Variants in EPHA6 observed in about 807,000 individuals in gnomAD.
EPHA6 encodes ephrin type-A receptor 6.
A neutral mutation model predicts 112.0 loss-of-function variants in EPHA6; 50 were observed. The observed-to-expected ratio is 0.45, with a 90% CI of 0.36 to 0.56. The LOEUF (loss-of-function observed/expected upper bound fraction) is 0.56, where lower values mean the gene tolerates loss of function less well. Among genes scored for constraint, EPHA6 ranks in the 20% least tolerant of loss-of-function variants. EPHA6 has a pLI of 0.00. For missense variants in EPHA6, 1,280 were observed against 1,417.4 expected (o/e 0.90, Z 1.56); for synonymous variants, 529 against 490.7 (o/e 1.08, Z -1.03).
intron 11 of EPHA6, among the ~76,000 whole-genome samples, chr3:97,560,862 C>T (rs13073984): frequency 0.024 from 3,652 of 152,060 alleles, 73 homozygotes; most frequent in Non-Finnish European, 0.037. Flanking sequence ...TCTATCAGTG[C>T]CATTTTTTCA....
intron 2 of EPHA6, among the ~76,000 whole-genome samples, chr3:96,876,268 T>G (rs933609565): frequency 5.9e-5 from 9 of 151,776 alleles, no homozygotes; most frequent in African/African-American, 2.2e-4. Context: ...TATTTTCTAT[T>G]TTAAGTGATA....
At chr3:97,023,040 C>T (rs1040142368) in intron 3 of EPHA6, among the ~76,000 whole-genome samples, 1 of 152,100 alleles carries the variant, frequency 6.6e-6, no homozygotes, top group African/African-American at 2.4e-5. Context: ...GCTTTCATGC[C>T]GGGGCAGCAA....
intron 3 of EPHA6, among the ~76,000 whole-genome samples, chr3:96,989,045 G>A (rs945083765): frequency 6.6e-5 from 10 of 151,926 alleles, no homozygotes; most frequent in Admixed American, 2.0e-4. Flanking sequence ...GTAATATACC[G>A]GAGATATTTC....
At chr3:97,216,455 A>G (rs2078036868) in intron 3 of EPHA6, among the ~76,000 whole-genome samples, 1 of 152,196 alleles carries the variant, frequency 6.6e-6, no homozygotes, top group Non-Finnish European at 1.5e-5. Flanking sequence ...AAATATCCAA[A>G]CCACATCAAT....
intron 5 of EPHA6, among the ~76,000 whole-genome samples, chr3:97,330,480 C>T (rs1184104492): frequency 3.3e-5 from 5 of 152,032 alleles, no homozygotes; most frequent in African/African-American, 9.7e-5. Flanking sequence ...TATTTGTATC[C>T]TCTTTTATTT....
chr3:96,954,504 G>T (rs912577765), intron 2 of EPHA6, among the ~76,000 whole-genome samples: 1 of 151,842 alleles, frequency 6.6e-6, no homozygotes, highest in Non-Finnish European at 1.5e-5. Flanking sequence ...TTCTTTTCAT[G>T]CTCTTACCCC....
chr3:97,146,584 T>C (rs978330849), intron 3 of EPHA6, among the ~76,000 whole-genome samples: 3 of 151,974 alleles, frequency 2.0e-5, no homozygotes, highest in Non-Finnish European at 4.4e-5. Flanking sequence ...TTGTACTCTC[T>C]ATATTAGGTA....
At chr3:97,061,246 G>A (rs1185644735) in intron 3 of EPHA6, among the ~76,000 whole-genome samples, 1 of 152,138 alleles carries the variant, frequency 6.6e-6, no homozygotes, top group African/African-American at 2.4e-5. Context: ...GAAGAACTAA[G>A]CAGGAATGAG....
chr3:97,561,675 A>C (rs2093194707), intron 11 of EPHA6, among the ~76,000 whole-genome samples: 2 of 152,160 alleles, frequency 1.3e-5, no homozygotes, highest in Admixed American at 1.3e-4. Flanking sequence ...TCTAGCTAGG[A>C]TAATTGATGA....
At chr3:97,116,996 T>C (rs2047906959) in intron 3 of EPHA6, among the ~76,000 whole-genome samples, 4 of 151,858 alleles carry the variant, frequency 2.6e-5, no homozygotes, top group Admixed American at 2.0e-4. Flanking sequence ...TCAACACTTA[T>C]CGTTTGTCTT....
intron 7 of EPHA6, among the ~76,000 whole-genome samples, chr3:97,461,607 T>C (rs2107387977): frequency 6.6e-6 from 1 of 152,314 alleles, no homozygotes; most frequent in East Asian, 1.9e-4. Flanking sequence ...TTTAAAAATG[T>C]TCTTTACCTT....
At chr3:97,368,068 G>A (rs953943785) in intron 5 of EPHA6, among the ~76,000 whole-genome samples, 80 of 152,146 alleles carry the variant, frequency 5.3e-4, no homozygotes, top group African/African-American at 1.8e-3. Context: ...TTCTTTATTT[G>A]ACAACATTAC....
At chr3:97,253,076 T>C (rs761799982) in intron 5 of EPHA6, among the ~76,000 whole-genome samples, 78 of 152,158 alleles carry the variant, frequency 5.1e-4, no homozygotes, top group Non-Finnish European at 1.6e-4. Flanking sequence ...CTCTTTAAGA[T>C]TTGGAAGTGA....
chr3:97,273,992 C>A (rs1326339950), intron 5 of EPHA6, among the ~76,000 whole-genome samples: 2 of 152,084 alleles, frequency 1.3e-5, no homozygotes, highest in Non-Finnish European at 2.9e-5. Flanking sequence ...GGGAGGAGGC[C>A]TGAACAATCC....
intron 2 of EPHA6, among the ~76,000 whole-genome samples, chr3:96,888,117 AC>A (rs1202846825): frequency 6.6e-6 from 1 of 151,724 alleles, no homozygotes; most frequent in Non-Finnish European, 1.5e-5. Context: ...GAAGCTTCTC[AC>A]CCCATTTAGA....
At chr3:97,718,799 A>T (rs1427758231) in intron 14 of EPHA6, among the ~76,000 whole-genome samples, 1 of 152,138 alleles carries the variant, frequency 6.6e-6, no homozygotes, top group Admixed American at 6.5e-5. Context: ...ATATGTGGTT[A>T]CAGAATCCCT....
At chr3:97,424,689 C>A (rs1042516927) in intron 6 of EPHA6, among the ~76,000 whole-genome samples, 2 of 151,518 alleles carry the variant, frequency 1.3e-5, no homozygotes, top group African/African-American at 4.9e-5. Flanking sequence ...ACCTGTAATC[C>A]CAGCTACTTG....
chr3:97,350,788 C>A (rs980990825), intron 5 of EPHA6, among the ~76,000 whole-genome samples: 1 of 151,970 alleles, frequency 6.6e-6, no homozygotes, highest in African/African-American at 2.4e-5. Flanking sequence ...CTCTCTACTG[C>A]TACTCCTGCA....
intron 11 of EPHA6, among the ~76,000 whole-genome samples, chr3:97,582,635 T>C (rs1334786843): frequency 6.6e-6 from 1 of 152,212 alleles, no homozygotes; most frequent in Non-Finnish European, 1.5e-5. Context: ...TTGTTTAGTT[T>C]CATTTTCTTT....
Sources: gnomAD v4.1 joint callset for allele counts (sites outside exome capture counted in the v4.1 genomes callset) on GRCh38, gnomAD v4.1.1 for gene constraint, MANE v1.5 for transcripts, NCBI Gene and HGNC (gene_info 2026-07-23, HGNC 2026-07-21) for gene names.